SUMF1: variants seen among roughly 807,000 people sequenced by gnomAD.
The protein encoded by SUMF1 is formylglycine-generating enzyme.
In SUMF1, 48 loss-of-function variants were observed where a neutral mutation model predicts 47.6. The ratio of observed to expected loss-of-function variants is 1.01; its 90% CI spans 0.80 to 1.28. SUMF1 has a LOEUF of 1.28. Among genes scored for constraint, SUMF1 ranks in the 50% most tolerant of loss-of-function variants. The pLI is 0.00. For synonymous variants in SUMF1, 230 were observed against 192.1 expected, an observed-to-expected ratio of 1.20 and a Z score of -1.63; for missense variants, 571 against 485.4, an observed-to-expected ratio of 1.18 and a Z score of -1.66.
intron 8 of SUMF1, among the ~76,000 whole-genome samples, chr3:4,210,505 C>A (rs569242282): frequency 6.6e-6 from 1 of 152,114 alleles, no homozygotes; most frequent in Non-Finnish European, 1.5e-5. Flanking sequence ...CACTGAAGTT[C>A]AAAGGGGAAA....
intron 3 of SUMF1, among the ~76,000 whole-genome samples, chr3:4,448,351 G>A (rs1276079723): frequency 2.0e-5 from 3 of 152,052 alleles, no homozygotes; most frequent in African/African-American, 4.8e-5. Context: ...GAGATGAAGC[G>A]CAGACAGGAG....
At chr3:4,172,578 G>A (rs1694857150) in intron 8 of SUMF1, among the ~76,000 whole-genome samples, 1 of 152,150 alleles carries the variant, frequency 6.6e-6, no homozygotes, top group African/African-American at 2.4e-5. Flanking sequence ...ATGGGGTTAA[G>A]TTACTTGCCT....
At chr3:4,349,622 G>T (rs1241433021) in intron 8 of SUMF1, among the ~76,000 whole-genome samples, 3 of 152,098 alleles carry the variant, frequency 2.0e-5, no homozygotes. Context: ...AAGAAAATGT[G>T]GTACATATAC....
chr3:4,138,027 T>A (rs2125093771), intron 8 of SUMF1, among the ~76,000 whole-genome samples: 1 of 151,788 alleles, frequency 6.6e-6, no homozygotes, highest in African/African-American at 2.4e-5. Flanking sequence ...AAATGAACAA[T>A]CCCAAAATAA....
chr3:4,377,128 G>A (rs1047711185), intron 7 of SUMF1, among the ~76,000 whole-genome samples: 75 of 152,148 alleles, frequency 4.9e-4, no homozygotes, highest in Admixed American at 4.9e-3. Flanking sequence ...TAATCCCGCT[G>A]TGTAATACTT....
chr3:4,270,851 G>C (rs923335343), intron 8 of SUMF1, among the ~76,000 whole-genome samples: 1 of 152,120 alleles, frequency 6.6e-6, no homozygotes, highest in African/African-American at 2.4e-5. Context: ...TAAAGGGCTT[G>C]GTATTCTTAA....
chr3:4,359,926 GC>G (rs1436440669), downstream of SUMF1, among the ~76,000 whole-genome samples: 1 of 152,164 alleles, frequency 6.6e-6, no homozygotes, highest in African/African-American at 2.4e-5. Flanking sequence ...ATAGGTATGA[GC>G]CACCGTCCCC....
chr3:4,319,935 G>A (rs1698789112), intron 8 of SUMF1, among the ~76,000 whole-genome samples: 1 of 152,154 alleles, frequency 6.6e-6, no homozygotes, highest in Admixed American at 6.5e-5. Flanking sequence ...CCAACTATAT[G>A]ACACTCTGGA....
chr3:4,215,098 G>T (rs1338528863), intron 8 of SUMF1, among the ~76,000 whole-genome samples: 1 of 151,976 alleles, frequency 6.6e-6, no homozygotes, highest in East Asian at 1.9e-4. Flanking sequence ...CAACAAAAAA[G>T]GAAAATTTCA....
At chr3:4,086,845 G>C (rs920052268) in intron 8 of SUMF1, among the ~76,000 whole-genome samples, 1 of 151,978 alleles carries the variant, frequency 6.6e-6, no homozygotes, top group African/African-American at 2.4e-5. Flanking sequence ...CCTTTCACTT[G>C]GCTGTCATTT....
chr3:4,054,956 T>A (rs1447833669), intron 9 of SUMF1, among the ~76,000 whole-genome samples: 1 of 152,122 alleles, frequency 6.6e-6, no homozygotes, highest in Admixed American at 6.6e-5. Context: ...ACACAACCAA[T>A]GTACGCCCAG....
intron 8 of SUMF1, among the ~76,000 whole-genome samples, chr3:4,214,831 C>A (rs1190983311): frequency 2.0e-5 from 3 of 152,046 alleles, no homozygotes; most frequent in Admixed American, 6.6e-5. Flanking sequence ...ATACACCCTC[C>A]CAACCCTAAA....
intron 3 of SUMF1, 86 bp downstream of exon 3, chr3:4,449,180 G>T: frequency 7.2e-7 from 1 of 1,390,500 alleles, no homozygotes; most frequent in Non-Finnish European, 1.0e-6. Flanking sequence ...GGGAGAGGAA[G>T]GTGACACATG....
intron 8 of SUMF1, among the ~76,000 whole-genome samples, chr3:4,133,075 G>A (rs1397691536): frequency 6.6e-6 from 1 of 152,152 alleles, no homozygotes; most frequent in African/African-American, 2.4e-5. Flanking sequence ...TATCAGCTAT[G>A]ACCACATGAC....
intron 8 of SUMF1, among the ~76,000 whole-genome samples, chr3:4,142,946 A>G (rs1694104992): frequency 6.6e-6 from 1 of 152,090 alleles, no homozygotes; most frequent in Non-Finnish European, 1.5e-5. Flanking sequence ...AGTCCCAAGA[A>G]GAACTCAGAG....
intron 8 of SUMF1, among the ~76,000 whole-genome samples, chr3:4,181,120 A>C (rs1163324164): frequency 6.6e-6 from 1 of 152,204 alleles, no homozygotes; most frequent in Non-Finnish European, 1.5e-5. Context: ...AGAAAAGACT[A>C]GTGTGCCATC....
rs150187464 is a variant in SUMF1 at position 4,295,630 on chromosome 3, C to T, written c.1014+80700G>A. Among the ~76,000 whole-genome samples the T allele has an allele frequency of 2.1e-4, 32 of 152,208 alleles. No individual in the cohort carries two copies. The East Asian group carries it at 6.2e-3, about 29-fold the overall frequency. ...GCCTTGGTAACAGTATTTGAATACGCATGATAATAAATTTGTTCATATGTT... is the reference window on the plus strand; with the variant it reads ...GCCTTGGTAACAGTATTTGAATACGTATGATAATAAATTTGTTCATATGTT... On this transcript the variant is annotated intron_variant and NMD_transcript_variant, in intron 8 of 12. Transcript: ENST00000448413.
chr3:4,334,903 CAGTTT>C (rs1699115580), intron 8 of SUMF1, among the ~76,000 whole-genome samples: 2 of 152,168 alleles, frequency 1.3e-5, no homozygotes, highest in Admixed American at 1.3e-4. Flanking sequence ...TCCTGTAAAA[CAGTTT>C]ATCTTTTTCA....
rs1171699948 is a variant in SUMF1 at position 4,127,536 on chromosome 3, T to G, written c.1015-58791A>C. ...CCTCCCAGCCTGCATCTTTCTCTTG[T>G]GCTGGATGCTTCCTGCTCTCAAATA... On this transcript the variant is annotated intron_variant and NMD_transcript_variant, in intron 8 of 12. Transcript: ENST00000448413. Among the ~76,000 whole-genome samples, 5 of 152,152 alleles carry G rather than the reference T, an allele frequency of 3.3e-5. 1 individual carries two copies. Among genetic ancestry groups the G allele is most frequent in the South Asian group, 2.1e-4 (1 of 4,820 alleles).
Sources: allele counts gnomAD v4.1 joint callset (sites outside exome capture counted in the v4.1 genomes callset), GRCh38; gene constraint gnomAD v4.1.1; transcripts MANE v1.5; gene names NCBI Gene and HGNC (gene_info 2026-07-23, HGNC 2026-07-21).